Variants in SUMF1 observed in about 807,000 individuals in gnomAD.
SUMF1 encodes the protein sulfatase modifying factor 1, also known as formylglycine-generating enzyme.
A neutral mutation model predicts 47.6 loss-of-function variants in SUMF1; 48 were observed. The ratio of observed to expected loss-of-function variants is 1.01; its 90% CI spans 0.80 to 1.28. The LOEUF (loss-of-function observed/expected upper bound fraction) is 1.28, where lower values mean the gene tolerates loss of function less well. Among genes scored for constraint, SUMF1 ranks in the 50% most tolerant of loss-of-function variants. SUMF1 has a pLI of 0.00. For synonymous variants in SUMF1, 230 were observed against 192.1 expected, an observed-to-expected ratio of 1.20 and a Z score of -1.63; for missense variants, 571 against 485.4, an observed-to-expected ratio of 1.18 and a Z score of -1.66.
chr3:4,144,208 G>C (rs921318776), intron 8 of SUMF1, among the ~76,000 whole-genome samples: 3 of 151,834 alleles, frequency 2.0e-5, no homozygotes, highest in Non-Finnish European at 4.4e-5. Context: ...CTCTAGCAAC[G>C]CTCCCACCTC....
chr3:4,238,609 T>A (rs1359070290), intron 8 of SUMF1, among the ~76,000 whole-genome samples: 1 of 152,184 alleles, frequency 6.6e-6, no homozygotes, highest in East Asian at 1.9e-4. Context: ...TCACCTACTT[T>A]TTGATGGGGT....
At chr3:4,303,608 C>G (rs1698044871) in intron 8 of SUMF1, 1 of 1,375,808 alleles carries the variant, frequency 7.3e-7, no homozygotes, top group Non-Finnish European at 9.4e-7. Context: ...CTGGGACGGC[C>G]TCCCAGTCGC....
At chr3:4,091,107 AC>A (rs1559462764) in intron 8 of SUMF1, among the ~76,000 whole-genome samples, 1 of 151,670 alleles carries the variant, frequency 6.6e-6, no homozygotes. Flanking sequence ...AAAAAAAAAA[AC>A]AAAAAACACA....
chr3:4,038,766 T>G (rs1220872236), intron 9 of SUMF1, among the ~76,000 whole-genome samples: 1 of 152,122 alleles, frequency 6.6e-6, no homozygotes, highest in Non-Finnish European at 1.5e-5. Context: ...AGAGAGGCAG[T>G]CAGATGGCTC....
intron 3 of SUMF1, among the ~76,000 whole-genome samples, chr3:4,433,234 C>A (rs1702292949): frequency 1.3e-5 from 2 of 152,148 alleles, no homozygotes; most frequent in South Asian, 4.1e-4. Context: ...CTAAGTTAGG[C>A]CTCAAAAGAA....
At chr3:4,351,056 G>T (rs565043894) in intron 8 of SUMF1, among the ~76,000 whole-genome samples, 1 of 152,148 alleles carries the variant, frequency 6.6e-6, no homozygotes, top group Non-Finnish European at 1.5e-5. Flanking sequence ...CCCACAGACG[G>T]AGGTACAAGG....
At chr3:4,357,775 G>A (rs1575126079), downstream of SUMF1, among the ~76,000 whole-genome samples, 1 of 151,520 alleles carries the variant, frequency 6.6e-6, no homozygotes, top group Non-Finnish European at 1.5e-5. Context: ...GCCCAGCTAA[G>A]TTTTGTATTT....
At chr3:4,178,671 G>A (rs181366250) in intron 8 of SUMF1, among the ~76,000 whole-genome samples, 1 of 152,290 alleles carries the variant, frequency 6.6e-6, no homozygotes, top group East Asian at 1.9e-4. Flanking sequence ...ATTCAACATA[G>A]TGTTGGAAGT....
intron 8 of SUMF1, among the ~76,000 whole-genome samples, chr3:4,130,913 A>AC (rs1224750587): frequency 6.6e-6 from 1 of 152,098 alleles, no homozygotes; most frequent in Non-Finnish European, 1.5e-5. Flanking sequence ...ATATGACCCA[A>AC]CAGATCCAAT....
At chr3:4,180,240 C>T (rs1347176268) in intron 8 of SUMF1, among the ~76,000 whole-genome samples, 5 of 152,152 alleles carry the variant, frequency 3.3e-5, no homozygotes, top group African/African-American at 1.2e-4. Context: ...AAGACATATG[C>T]ACACGTATGT....
chr3:4,183,144 G>A (rs1695132100), intron 8 of SUMF1, among the ~76,000 whole-genome samples: 1 of 152,250 alleles, frequency 6.6e-6, no homozygotes, highest in African/African-American at 2.4e-5. Context: ...ATCTAAGAAA[G>A]AGATTAGAAA....
chr3:4,218,568 G>A (rs980021019), intron 8 of SUMF1, among the ~76,000 whole-genome samples: 3 of 152,070 alleles, frequency 2.0e-5, no homozygotes, highest in Non-Finnish European at 4.4e-5. Flanking sequence ...ACCTAAGGTC[G>A]CACTAAACTG....
At chr3:4,437,937 A>C (rs993053555) in intron 3 of SUMF1, among the ~76,000 whole-genome samples, 1 of 152,162 alleles carries the variant, frequency 6.6e-6, no homozygotes, top group Admixed American at 6.5e-5. Flanking sequence ...AGACTGTCTC[A>C]AAACACAAAA....
chr3:4,342,779 C>T (rs971989871), intron 8 of SUMF1, among the ~76,000 whole-genome samples: 1 of 152,170 alleles, frequency 6.6e-6, no homozygotes, highest in Non-Finnish European at 1.5e-5. Context: ...ACAGAAGCAG[C>T]ACCCTACCAA....
At position 4,466,899 on chromosome 3, in the gene SUMF1, G is replaced by A. The variant is rs2079962937; in HGVS notation, c.270+77C>T. 5 of 1,554,552 alleles carry A rather than the reference G, an allele frequency of 3.2e-6. No individual in the cohort carries two copies. The South Asian group carries it at 3.5e-5, about 11-fold the overall frequency. Reference sequence around the variant, plus strand: ...ATAACCTTTACTTCCCTTCCTACTAGTGCCTTGCTTTGCCTACTCCAACCC... The same window carrying A: ...ATAACCTTTACTTCCCTTCCTACTAATGCCTTGCTTTGCCTACTCCAACCC... On this transcript the variant is annotated intron_variant, in intron 1 of 8. Coordinates refer to ENST00000272902, the MANE Select transcript of SUMF1 (RefSeq NM_182760.4).
At chr3:4,121,242 C>A (rs1367641209) in intron 8 of SUMF1, among the ~76,000 whole-genome samples, 1 of 152,028 alleles carries the variant, frequency 6.6e-6, no homozygotes, top group African/African-American at 2.4e-5. Flanking sequence ...TCAAAAAGAA[C>A]ATAATTTTTA....
intron 3 of SUMF1, among the ~76,000 whole-genome samples, chr3:4,441,986 G>A (rs901746979): frequency 1.3e-5 from 2 of 152,174 alleles, no homozygotes; most frequent in East Asian, 3.9e-4. Flanking sequence ...GCAAACAGGT[G>A]AAGAAAAACC....
Position 4,258,157 on chromosome 3 carries a change from C to A in SUMF1, c.1014+118173G>T, listed in dbSNP as rs1309294286. On this transcript the variant is annotated intron_variant and NMD_transcript_variant, in intron 8 of 12. Transcript: ENST00000448413. The stretch of plus-strand genomic sequence containing the variant: ...AACGTTAGACCTAAAACCATAAAAA[C>A]CCTAGAAGAAAACCTAGGCATTACC... Among the ~76,000 whole-genome samples the A allele has an allele frequency of 2.0e-5, 3 of 150,128 alleles. No homozygotes were observed. In the East Asian group the frequency reaches 5.8e-4, roughly 29 times the overall value.
intron 8 of SUMF1, among the ~76,000 whole-genome samples, chr3:4,329,263 G>T (rs182412530): frequency 1.1e-3 from 175 of 152,350 alleles, no homozygotes; most frequent in South Asian, 2.3e-3. Context: ...TGGGGACTCT[G>T]TGTGGTGGCT....
Sources: gnomAD v4.1 joint callset for allele counts (sites outside exome capture counted in the v4.1 genomes callset) on GRCh38, gnomAD v4.1.1 for gene constraint, MANE v1.5 for transcripts, NCBI Gene and HGNC (gene_info 2026-07-23, HGNC 2026-07-21) for gene names.